SRL: variants seen among roughly 807,000 people sequenced by gnomAD.
SRL encodes sarcalumenin.
In SRL, 23 loss-of-function variants were observed where a neutral mutation model predicts 39.5. That is an observed-to-expected ratio of 0.58 (90% CI 0.42 to 0.82). The LOEUF is 0.82. Ranked by LOEUF, SRL falls within the 40% of genes least tolerant of loss-of-function variation. The probability of loss-of-function intolerance (pLI) is 0.00; values close to 1 mark genes in which losing one functional copy is unlikely to be tolerated. For synonymous variants in SRL, 272 were observed against 237.4 expected, an observed-to-expected ratio of 1.15 and a Z score of -1.34; for missense variants, 592 against 607.8, an observed-to-expected ratio of 0.97 and a Z score of 0.27.
rs1237775177 is a variant in SRL at position 4,213,404 on chromosome 16, C to CTTTTTCTTTTTCTTTTTTTTTTTTTTTT, written c.62-8771_62-8770insAAAAAAAAAAAAAAAAGAAAAAGAAAAA. Among the ~76,000 whole-genome samples the CTTTTTCTTTTTCTTTTTTTTTTTTTTTT allele has an allele frequency of 3.4e-4, 24 of 69,592 alleles. 1 individual carries two copies. The highest frequency in any genetic ancestry group is 1.1e-3 in the African/African-American group (14 of 12,208). The allele number at this position is 69,592 out of a possible 152,430, so 45.7% of individuals were successfully genotyped here. On this transcript the variant is annotated intron_variant, in intron 1 of 5. Coordinates refer to ENST00000399609, the MANE Select transcript of SRL (RefSeq NM_001098814.2). ...CATCTTTTTTTTTCTTTTTCTTTTT[C>CTTTTTCTTTTTCTTTTTTTTTTTTTTTT]TTTTTTTTTTTTTTTTTTTTTTTTT...
chr16:4,240,618 G>C (rs2141075829), intron 1 of SRL, among the ~76,000 whole-genome samples: 1 of 152,254 alleles, frequency 6.6e-6, no homozygotes, highest in East Asian at 1.9e-4. Flanking sequence ...CACGACAAGA[G>C]CCCCCAGCGA....
In SRL at chr16:4,189,881, A is replaced by C. The variant is rs1045155251; in HGVS notation, c.*2272T>G. On this transcript the variant is annotated 3_prime_UTR_variant, in exon 6 of 6. Transcript: ENST00000399609. ...AAACAGATCTGCCAAAGCAGCTCACAGCATGGAGGAGCAGGCAGGGGAAAG... is the reference window on the plus strand; with the variant it reads ...AAACAGATCTGCCAAAGCAGCTCACCGCATGGAGGAGCAGGCAGGGGAAAG... The C allele has an allele frequency of 1.2e-5, 2 of 171,882 alleles. No homozygotes were observed. Among genetic ancestry groups the C allele is most frequent in the Non-Finnish European group, 2.4e-5 (2 of 81,774 alleles). The allele number at this position is 171,882 out of a possible 1,614,324, so 10.6% of individuals were successfully genotyped here.
At chr16:4,197,218 G>A (rs1229502263) in intron 4 of SRL, among the ~76,000 whole-genome samples, 6 of 150,496 alleles carry the variant, frequency 4.0e-5, no homozygotes, top group African/African-American at 7.3e-5. Flanking sequence ...ACAGGCACCC[G>A]CCATCACACC....
intron 1 of SRL, among the ~76,000 whole-genome samples, chr16:4,217,086 G>A (rs1456125764): frequency 6.6e-6 from 1 of 152,162 alleles, no homozygotes; most frequent in Non-Finnish European, 1.5e-5. Flanking sequence ...GAATCTTCTT[G>A]AGAAACGTGG....
At chr16:4,211,312 T>TG (rs148373245) in intron 1 of SRL, among the ~76,000 whole-genome samples, 5,049 of 152,062 alleles carry the variant, frequency 0.033, 248 homozygotes, top group African/African-American at 0.11. Flanking sequence ...GCTCCCACGT[T>TG]GGGGGGGGTC....
chr16:4,232,291 G>A (rs748192088), intron 1 of SRL, among the ~76,000 whole-genome samples: 2 of 152,198 alleles, frequency 1.3e-5, no homozygotes, highest in Non-Finnish European at 2.9e-5. Flanking sequence ...GTCCTAGAGA[G>A]CACTCCCGGT....
At chr16:4,209,985 T>A (rs1262260076) in intron 1 of SRL, among the ~76,000 whole-genome samples, 1 of 152,148 alleles carries the variant, frequency 6.6e-6, no homozygotes, top group Non-Finnish European at 1.5e-5. Context: ...TGCCTGCACG[T>A]GCCTTCTCTT....
intron 1 of SRL, among the ~76,000 whole-genome samples, chr16:4,208,563 C>T (rs151173605): frequency 1.7e-4 from 26 of 152,330 alleles, no homozygotes; most frequent in African/African-American, 6.0e-4. Flanking sequence ...TTGTGCATCC[C>T]ACCTCATGGC....
At chr16:4,208,151 G>C (rs1401697604) in intron 1 of SRL, 1 of 392,144 alleles carries the variant, frequency 2.6e-6, no homozygotes, top group African/African-American at 2.1e-5. Flanking sequence ...GTTGGCACCG[G>C]CTCTGTTTCT....
intron 1 of SRL, among the ~76,000 whole-genome samples, chr16:4,236,243 C>T (rs2052712773): frequency 6.6e-6 from 1 of 152,130 alleles, no homozygotes; most frequent in South Asian, 2.1e-4. Flanking sequence ...CTCAAACCCT[C>T]CTCATTGGTC....
chr16:4,217,014 T>C (rs2052468445), intron 1 of SRL, among the ~76,000 whole-genome samples: 1 of 152,162 alleles, frequency 6.6e-6, no homozygotes, highest in Non-Finnish European at 1.5e-5. Context: ...ATCTCCAGCT[T>C]GGCAGGTGAA....
At chr16:4,209,740 C>T (rs1328250343) in intron 1 of SRL, among the ~76,000 whole-genome samples, 2 of 152,198 alleles carry the variant, frequency 1.3e-5, no homozygotes, top group African/African-American at 4.8e-5. Flanking sequence ...AAATATACAA[C>T]TTTTCCCCCA....
At chr16:4,222,508 A>G (rs2141057012) in intron 1 of SRL, among the ~76,000 whole-genome samples, 1 of 152,250 alleles carries the variant, frequency 6.6e-6, no homozygotes, top group East Asian at 1.9e-4. Context: ...CTCCTGACTC[A>G]GGTGATCCAC....
intron 1 of SRL, among the ~76,000 whole-genome samples, chr16:4,205,080 T>C (rs2052301414): frequency 6.6e-6 from 1 of 151,982 alleles, no homozygotes; most frequent in South Asian, 2.1e-4. Context: ...CCTAGCACTT[T>C]AGGAGGTCCA....
chr16:4,221,955 C>T lies in SRL; in HGVS notation c.62-17321G>A, dbSNP rs1597288293. ...ACCTTCATATTGGATTTATGGCCAG[C>T]CCCACTCCAGCATGACCTCATCTTA... is the stretch of plus-strand genomic sequence containing the variant. On this transcript the variant is annotated intron_variant, in intron 1 of 5. Coordinates refer to ENST00000399609, the MANE Select transcript of SRL (RefSeq NM_001098814.2). 2.0e-5 allele frequency among the ~76,000 whole-genome samples: 3 copies of T among 152,302 alleles called. No individual in the cohort carries two copies. The South Asian group carries it at 6.2e-4, about 32-fold the overall frequency.
At chr16:4,213,382 C>CT (rs911837341) in intron 1 of SRL, among the ~76,000 whole-genome samples, 8 of 83,780 alleles carry the variant, frequency 9.5e-5, no homozygotes, top group Admixed American at 4.3e-4. Flanking sequence ...CTTACAGCAT[C>CT]TTTTTTTTTC....
intron 1 of SRL, among the ~76,000 whole-genome samples, chr16:4,239,978 T>C (rs1234513987): frequency 6.6e-6 from 1 of 152,146 alleles, no homozygotes; most frequent in Non-Finnish European, 1.5e-5. Flanking sequence ...CGTCCTGGCA[T>C]GGGCACGGGC....
At chr16:4,228,438 A>C (rs2141063944) in intron 1 of SRL, among the ~76,000 whole-genome samples, 1 of 151,950 alleles carries the variant, frequency 6.6e-6, no homozygotes, top group South Asian at 2.1e-4. Flanking sequence ...TCCACCTTGA[A>C]ACAAACAAAC....
chr16:4,198,619 A>T (rs551951633), intron 3 of SRL, among the ~76,000 whole-genome samples: 121 of 151,788 alleles, frequency 8.0e-4, no homozygotes, highest in African/African-American at 2.5e-3. Context: ...AAATTTAAAA[A>T]TTTTTTTTTG....
Sources: gnomAD v4.1 joint callset for allele counts (sites outside exome capture counted in the v4.1 genomes callset) on GRCh38, gnomAD v4.1.1 for gene constraint, MANE v1.5 for transcripts, NCBI Gene and HGNC (gene_info 2026-07-23, HGNC 2026-07-21) for gene names.